The following YWHAE variants were observed in gnomAD, a reference collection of about 807,000 sequenced individuals.
The protein encoded by YWHAE is 14-3-3 protein epsilon.
Under a neutral mutation model 30.1 loss-of-function variants are expected in YWHAE, and 4 were observed. The observed-to-expected ratio is 0.13, with a 90% CI of 0.07 to 0.30. YWHAE has a LOEUF of 0.30. Among genes scored for constraint, YWHAE ranks in the 10% least tolerant of loss-of-function variants. The probability of loss-of-function intolerance (pLI) is 1.00; values close to 1 mark genes in which losing one functional copy is unlikely to be tolerated. For missense variants in YWHAE, 121 were observed against 315.9 expected, an observed-to-expected ratio of 0.38 and a Z score of 4.68; for synonymous variants, 118 against 111.8, an observed-to-expected ratio of 1.06 and a Z score of -0.35.
intron 1 of YWHAE, among the ~76,000 whole-genome samples, chr17:1,366,277 T>A (rs895999991): frequency 1.3e-5 from 2 of 151,682 alleles, no homozygotes; most frequent in African/African-American, 2.4e-5. Context: ...TAGTGGCTCA[T>A]GCATATAATC....
intron 1 of YWHAE, among the ~76,000 whole-genome samples, chr17:1,368,590 A>G (rs1249671892): frequency 1.3e-5 from 2 of 151,632 alleles, no homozygotes; most frequent in African/African-American, 2.4e-5. Context: ...AAGTATTACA[A>G]TATGGTAATA....
intron 1 of YWHAE, chr17:1,399,175 A>G (rs1400437535): frequency 6.6e-6 from 1 of 152,132 alleles, no homozygotes; most frequent in African/African-American, 2.4e-5. Context: ...TCGAACTCTC[A>G]GAGTCGTGGC....
At chr17:1,345,646 G>C in intron 5 of YWHAE, 147 bp from the exon 6 acceptor site, 1 of 762,370 alleles carries the variant, frequency 1.3e-6, no homozygotes, top group Non-Finnish European at 2.2e-6. Flanking sequence ...TATCATCCTT[G>C]ACACCTGAGA....
At position 1,360,007 on chromosome 17, in the gene YWHAE, G is replaced by A. The variant is rs182649531; in HGVS notation, c.578+1085C>T. On this transcript the variant is annotated intron_variant, in intron 4 of 5. Transcript: ENST00000264335. Reference sequence around the variant, plus strand: ...AAAAAAAGTCTCACTGTGTCACCCAGGCTACAGTGTACTGGTGCAATCGAG... The same window carrying A: ...AAAAAAAGTCTCACTGTGTCACCCAAGCTACAGTGTACTGGTGCAATCGAG... Among the ~76,000 whole-genome samples, 351 of 151,758 alleles carry A rather than the reference G, an allele frequency of 2.3e-3. 3 individuals are homozygous for A. Among genetic ancestry groups the A allele is most frequent in the South Asian group, 4.6e-3 (22 of 4,796 alleles).
intron 4 of YWHAE, among the ~76,000 whole-genome samples, chr17:1,355,590 TAC>T (rs1297420588): frequency 1.3e-5 from 2 of 152,130 alleles, no homozygotes; most frequent in African/African-American, 2.4e-5. Context: ...GTAAGCCATT[TAC>T]AGTTTTAAAA....
intron 1 of YWHAE, among the ~76,000 whole-genome samples, chr17:1,366,491 C>G (rs1008634196): frequency 6.6e-6 from 1 of 151,782 alleles, no homozygotes; most frequent in African/African-American, 2.4e-5. Context: ...CTGAGATCGC[C>G]CCACTGTATG....
chr17:1,389,617 G>A (rs1255503782), intron 1 of YWHAE, among the ~76,000 whole-genome samples: 17 of 149,598 alleles, frequency 1.1e-4, no homozygotes, highest in African/African-American at 3.5e-4. Context: ...TGCAAGCTCC[G>A]CCTCCCGGGT....
chr17:1,396,949 T>A (rs2150881973), intron 1 of YWHAE, among the ~76,000 whole-genome samples: 1 of 132,594 alleles, frequency 7.5e-6, no homozygotes, highest in Non-Finnish European at 1.6e-5. Context: ...GAGACAAGAG[T>A]CTCGCTCTGT....
chr17:1,390,263 C>T (rs2073369953), intron 1 of YWHAE, among the ~76,000 whole-genome samples: 1 of 152,172 alleles, frequency 6.6e-6, no homozygotes, highest in Admixed American at 6.5e-5. Flanking sequence ...ACCAGCTCAA[C>T]ATGACAAAAT....
At chr17:1,363,614 C>T (rs958764294) in intron 2 of YWHAE, among the ~76,000 whole-genome samples, 2 of 152,170 alleles carry the variant, frequency 1.3e-5, no homozygotes, top group African/African-American at 4.8e-5. Context: ...CACCCAAAAC[C>T]CTGGTTTGTG....
chr17:1,352,577 T>C (rs1053260281), intron 5 of YWHAE, among the ~76,000 whole-genome samples: 1 of 150,850 alleles, frequency 6.6e-6, no homozygotes, highest in Admixed American at 6.7e-5. Context: ...CAGGTTGGAG[T>C]GCAATGGCGT....
intron 5 of YWHAE, among the ~76,000 whole-genome samples, chr17:1,347,232 G>C (rs1280830705): frequency 1.3e-5 from 2 of 151,442 alleles, no homozygotes; most frequent in Non-Finnish European, 2.9e-5. Context: ...CCAGCTACTC[G>C]GGAGGCAGGA....
chr17:1,375,572 T>C (rs966993486), intron 1 of YWHAE, among the ~76,000 whole-genome samples: 6 of 152,292 alleles, frequency 3.9e-5, no homozygotes, highest in African/African-American at 9.6e-5. Context: ...AGTAACAAAA[T>C]CGAATTTCTG....
chr17:1,376,415 A>G (rs1391384338), intron 1 of YWHAE, among the ~76,000 whole-genome samples: 3 of 152,080 alleles, frequency 2.0e-5, no homozygotes, highest in Non-Finnish European at 4.4e-5. Flanking sequence ...AAAGAAAAGA[A>G]AAGAAGGAAA....
chr17:1,359,744 G>A (rs952004581), intron 4 of YWHAE, among the ~76,000 whole-genome samples: 1 of 151,394 alleles, frequency 6.6e-6, no homozygotes. Context: ...TTTGTGTGGG[G>A]TGAAGAGAAA....
At chr17:1,365,228 A>G (rs2072924098) in intron 1 of YWHAE, among the ~76,000 whole-genome samples, 170 bp from the exon 2 acceptor site, 1 of 147,226 alleles carries the variant, frequency 6.8e-6, no homozygotes, top group Non-Finnish European at 1.5e-5. Flanking sequence ...TGTAAAGGAA[A>G]CCAAACTAAG....
rs2072929692 is a variant in YWHAE at position 1,365,606 on chromosome 17, A to T, written c.65-548T>A. 2.6e-5 allele frequency among the ~76,000 whole-genome samples: 4 copies of T among 152,264 alleles called. No individual in the cohort carries two copies. In the South Asian group the frequency reaches 8.3e-4, roughly 32 times the overall value. The stretch of plus-strand genomic sequence containing the variant: ...CTTCTGATGATTCCTACTTGTTACC[A>T]CTAGGTGGCGAGCAAAGAAAGGGGC... On this transcript the variant is annotated intron_variant, in intron 1 of 5. Coordinates refer to ENST00000264335, the MANE Select transcript of YWHAE (RefSeq NM_006761.5).
chr17:1,356,171 A>ACACACACACAC (rs2072737906), intron 4 of YWHAE, among the ~76,000 whole-genome samples: 22 of 143,102 alleles, frequency 1.5e-4, no homozygotes, highest in African/African-American at 4.3e-4. Context: ...TCCGTCTAAA[A>ACACACACACAC]ACACACACAC....
chr17:1,345,380 G>A lies in YWHAE; in HGVS notation c.*67C>T. ...TTTGGTGGTTCTCAGTGACAATGGGGAGTTTCCAAAGGGTGGGATGGGGAG... is the reference window on the plus strand; with the variant it reads ...TTTGGTGGTTCTCAGTGACAATGGGAAGTTTCCAAAGGGTGGGATGGGGAG... On this transcript the variant is annotated 3_prime_UTR_variant, in exon 6 of 6. Transcript: ENST00000264335. 1 of 1,510,932 alleles carries A rather than the reference G, an allele frequency of 6.6e-7. No homozygotes were observed. The highest frequency in any genetic ancestry group is 9.2e-7 in the Non-Finnish European group (1 of 1,087,462). The allele number at this position is 1,510,932 out of a possible 1,614,324, so 93.6% of individuals were successfully genotyped here.
Sources: allele counts gnomAD v4.1 joint callset (sites outside exome capture counted in the v4.1 genomes callset), GRCh38; gene constraint gnomAD v4.1.1; transcripts MANE v1.5; gene names NCBI Gene and HGNC (gene_info 2026-07-23, HGNC 2026-07-21).